PPP2R3A: variants seen among roughly 807,000 people sequenced by gnomAD.
PPP2R3A encodes the protein serine/threonine-protein phosphatase 2A regulatory subunit B'' subunit alpha.
Under a neutral mutation model 106.9 loss-of-function variants are expected in PPP2R3A, and 80 were observed. The observed-to-expected ratio is 0.75, with a 90% CI of 0.62 to 0.90. The LOEUF (loss-of-function observed/expected upper bound fraction) is 0.90, where lower values mean the gene tolerates loss of function less well. Among genes scored for constraint, PPP2R3A ranks in the 40% least tolerant of loss-of-function variants. PPP2R3A has a pLI of 0.00. For missense variants in PPP2R3A, 1,386 were observed against 1,350.4 expected (o/e 1.03, Z -0.41); for synonymous variants, 483 against 468.3 (o/e 1.03, Z -0.41).
At chr3:136,143,683 CG>C (rs1418270084) in intron 13 of PPP2R3A, among the ~76,000 whole-genome samples, 2 of 148,750 alleles carry the variant, frequency 1.3e-5, no homozygotes, top group African/African-American at 5.0e-5. Flanking sequence ...CCCAGCTACT[CG>C]GGAGGCTGAG....
chr3:136,010,189 C>T (rs1933999039), intron 2 of PPP2R3A, among the ~76,000 whole-genome samples: 1 of 151,670 alleles, frequency 6.6e-6, no homozygotes, highest in African/African-American at 2.4e-5. Flanking sequence ...TATCTTCTCC[C>T]TTTCCTTCTA....
At position 136,013,627 on chromosome 3, in the gene PPP2R3A, T is replaced by C. The variant is rs57524286; in HGVS notation, c.1995+10134T>C. Among the ~76,000 whole-genome samples, 1,101 of 152,300 alleles carry C rather than the reference T, an allele frequency of 7.2e-3. 11 individuals are homozygous for C. Among genetic ancestry groups the C allele is most frequent in the African/African-American group, 0.026 (1,078 of 41,552 alleles). On this transcript the variant is annotated intron_variant, in intron 2 of 13. Coordinates refer to ENST00000264977, the MANE Select transcript of PPP2R3A (RefSeq NM_002718.5). ...TAGTGATGTTGAGCATTTTTTCATATATTTGTTGGCCATTTGTACGTCTTC... is the reference window on the plus strand; with the variant it reads ...TAGTGATGTTGAGCATTTTTTCATACATTTGTTGGCCATTTGTACGTCTTC...
chr3:136,117,036 A>C (rs1018297077), intron 13 of PPP2R3A, among the ~76,000 whole-genome samples: 14 of 152,078 alleles, frequency 9.2e-5, no homozygotes, highest in Non-Finnish European at 2.9e-5. Flanking sequence ...ACAACAAACT[A>C]TCTCTCAGAC....
intron 2 of PPP2R3A, among the ~76,000 whole-genome samples, chr3:136,004,165 T>A (rs1333443784): frequency 1.3e-5 from 2 of 152,232 alleles, no homozygotes; most frequent in East Asian, 3.8e-4. Flanking sequence ...ACGGAAGTAT[T>A]TTCAAAAGTT....
intron 1 of PPP2R3A, among the ~76,000 whole-genome samples, chr3:135,970,529 C>T (rs181674501): frequency 1.3e-5 from 2 of 152,214 alleles, no homozygotes; most frequent in Admixed American, 6.5e-5. Context: ...AGAGAGGTGT[C>T]ATCAAGTAAA....
chr3:136,103,176 C>T (rs912361240), intron 11 of PPP2R3A, 82 bp from the exon 12 acceptor site: 3 of 768,594 alleles, frequency 3.9e-6, no homozygotes, highest in Non-Finnish European at 6.4e-6. Flanking sequence ...TATACCTATA[C>T]TTTTAGATGT....
At position 136,045,075 on chromosome 3, in the gene PPP2R3A, G is replaced by C. The variant is rs147512141; in HGVS notation, c.2366+4113G>C. On this transcript the variant is annotated intron_variant, in intron 4 of 13. Transcript: ENST00000264977. Reference sequence around the variant, plus strand: ...CTTTGTTGACTGCCAGACCTGGAGAGAGCAGGGCTGTCTTTCCCACAGGAC... The same window carrying C: ...CTTTGTTGACTGCCAGACCTGGAGACAGCAGGGCTGTCTTTCCCACAGGAC... Among the ~76,000 whole-genome samples the C allele has an allele frequency of 2.6e-3, 391 of 152,304 alleles. 3 individuals carry two copies. The highest frequency in any genetic ancestry group is 8.9e-3 in the African/African-American group (371 of 41,556).
intron 2 of PPP2R3A, chr3:136,022,872 T>A (rs1192870899): frequency 7.3e-7 from 1 of 1,369,472 alleles, no homozygotes; most frequent in East Asian, 3.0e-5. Flanking sequence ...ACAGACTGTA[T>A]TTGGGAACCA....
intron 1 of PPP2R3A, among the ~76,000 whole-genome samples, chr3:135,981,411 C>G (rs1169660810): frequency 6.6e-6 from 1 of 151,734 alleles, no homozygotes; most frequent in African/African-American, 2.4e-5. Context: ...CTGAACAACT[C>G]TCAGAAATGG....
intron 1 of PPP2R3A, among the ~76,000 whole-genome samples, chr3:135,973,511 G>C (rs1937304395): frequency 6.6e-6 from 1 of 152,170 alleles, no homozygotes; most frequent in Non-Finnish European, 1.5e-5. Context: ...GATGCAAGAG[G>C]TAGTTGGAGA....
At chr3:136,077,633 C>T (rs980195356) in intron 6 of PPP2R3A, among the ~76,000 whole-genome samples, 2 of 151,908 alleles carry the variant, frequency 1.3e-5, no homozygotes, top group Non-Finnish European at 2.9e-5. Context: ...GTTAAGAATG[C>T]ACTGTGACCT....
intron 13 of PPP2R3A, among the ~76,000 whole-genome samples, chr3:136,136,074 T>TATATAAATATA (rs1491542071): frequency 3.3e-5 from 1 of 30,360 alleles, no homozygotes; most frequent in African/African-American, 7.2e-5. Context: ...AAAAAAAAAA[T>TATATAAATATA]TATATATATA....
At chr3:136,053,142 G>A (rs1030967893) in intron 5 of PPP2R3A, among the ~76,000 whole-genome samples, 5 of 152,138 alleles carry the variant, frequency 3.3e-5, no homozygotes, top group African/African-American at 1.2e-4. Context: ...GGTGGAAGGT[G>A]GAAAGAGGGA....
chr3:136,023,071 T>G (rs1422489574), intron 2 of PPP2R3A: 1 of 1,613,040 alleles, frequency 6.2e-7, no homozygotes, highest in African/African-American at 1.3e-5. Context: ...TTTTCAAAGA[T>G]GATGATCAAG....
At chr3:136,038,725 A>T (rs896889914) in intron 3 of PPP2R3A, among the ~76,000 whole-genome samples, 2 of 152,148 alleles carry the variant, frequency 1.3e-5, no homozygotes, top group Non-Finnish European at 2.9e-5. Context: ...GTCTAAGAGC[A>T]TTTTCTTGGC....
At chr3:136,135,403 G>A (rs1388010896) in intron 13 of PPP2R3A, among the ~76,000 whole-genome samples, 5 of 152,152 alleles carry the variant, frequency 3.3e-5, no homozygotes, top group Admixed American at 1.3e-4. Context: ...TGACCAACTC[G>A]TGCAAAAGCA....
intron 13 of PPP2R3A, among the ~76,000 whole-genome samples, chr3:136,114,353 C>G (rs886823254): frequency 3.9e-5 from 6 of 152,166 alleles, no homozygotes; most frequent in Non-Finnish European, 5.9e-5. Context: ...AGGCAGACAC[C>G]GAGCTTCAGG....
At chr3:136,027,495 A>G (rs1312592247) in intron 3 of PPP2R3A, among the ~76,000 whole-genome samples, 1 of 152,138 alleles carries the variant, frequency 6.6e-6, no homozygotes, top group Non-Finnish European at 1.5e-5. Flanking sequence ...GACCATCTCA[A>G]TACAGTCATT....
intron 1 of PPP2R3A, among the ~76,000 whole-genome samples, chr3:135,969,453 G>T (rs558104113): frequency 6.6e-6 from 1 of 152,194 alleles, no homozygotes; most frequent in Non-Finnish European, 1.5e-5. Flanking sequence ...AATGGTGGTG[G>T]TGTTACCTGA....
Sources: allele counts gnomAD v4.1 joint callset (sites outside exome capture counted in the v4.1 genomes callset), GRCh38; gene constraint gnomAD v4.1.1; transcripts MANE v1.5; gene names NCBI Gene and HGNC (gene_info 2026-07-23, HGNC 2026-07-21).